TSPEAR: variants seen among roughly 807,000 people sequenced by gnomAD.
TSPEAR encodes thrombospondin-type laminin G domain and EAR repeat-containing protein.
TSPEAR carries 69 observed loss-of-function variants against 71.6 expected under a neutral mutation model. That is an observed-to-expected ratio of 0.96 (90% CI 0.79 to 1.18). The LOEUF (loss-of-function observed/expected upper bound fraction) is 1.18, where lower values mean the gene tolerates loss of function less well. TSPEAR is among the 50% of genes most tolerant of loss of function. The pLI is 0.00. For missense variants in TSPEAR, 971 were observed against 894.9 expected, an observed-to-expected ratio of 1.09 and a Z score of -1.09; for synonymous variants, 402 against 387.2, an observed-to-expected ratio of 1.04 and a Z score of -0.45.
At chr21:44,644,111 A>G (rs1306174848) in intron 1 of TSPEAR, among the ~76,000 whole-genome samples, 2 of 151,844 alleles carry the variant, frequency 1.3e-5, no homozygotes, top group African/African-American at 4.8e-5. Context: ...CATTCAACTC[A>G]CTCAGATCCC....
At chr21:44,654,162 C>T (rs1213745221) in intron 1 of TSPEAR, 1 of 812,500 alleles carries the variant, frequency 1.2e-6, no homozygotes, top group East Asian at 2.6e-5. Context: ...GGCAGGCGGT[C>T]TAGTCAGGTG....
At position 44,593,438 on chromosome 21, in the gene TSPEAR, A is replaced by G. The variant is rs587610782; in HGVS notation, c.83-25433T>C. Among the ~76,000 whole-genome samples the G allele has an allele frequency of 6.6e-6, 1 of 152,338 alleles. No individual in the cohort carries two copies. Among genetic ancestry groups the G allele is most frequent in the South Asian group, 2.1e-4 (1 of 4,828 alleles). On this transcript the variant is annotated intron_variant, in intron 1 of 11. Transcript: ENST00000323084. The surrounding 1 kb of genome is among the most constrained non-coding windows in gnomAD (Gnocchi z 5.9). ...CGCACAGAAGACACAAAATGGGTCC[A>G]TGAGAAGTTGATCTCACTGCAAACC...
At chr21:44,572,644 C>G (rs2053821586) in intron 1 of TSPEAR, among the ~76,000 whole-genome samples, 1 of 151,938 alleles carries the variant, frequency 6.6e-6, no homozygotes, top group East Asian at 1.9e-4. Flanking sequence ...ATCCCAGGTT[C>G]TGCCATTGTG....
intron 1 of TSPEAR, among the ~76,000 whole-genome samples, chr21:44,604,517 A>G (rs1054090006): frequency 1.3e-5 from 2 of 152,264 alleles, no homozygotes; most frequent in Middle Eastern, 3.4e-3. Flanking sequence ...AGATCTCTAT[A>G]TAAGATCACA....
At chr21:44,573,807 C>G in intron 1 of TSPEAR, 1 of 1,614,196 alleles carries the variant, frequency 6.2e-7, no homozygotes, top group Non-Finnish European at 8.5e-7. Flanking sequence ...CGTCTGCCTT[C>G]CTGGTTCCTG....
chr21:44,666,103 G>T (rs1255243456), intron 1 of TSPEAR: 13 of 249,710 alleles, frequency 5.2e-5, no homozygotes, highest in African/African-American at 2.7e-4. Context: ...GATCACTGAA[G>T]AGGGTTTAGC....
At chr21:44,637,498 C>G in intron 1 of TSPEAR, 9 of 1,613,416 alleles carry the variant, frequency 5.6e-6, no homozygotes, top group Non-Finnish European at 7.6e-6. Flanking sequence ...AGAGCTGCTG[C>G]GAGCCCTGCT....
chr21:44,577,327 A>G (rs1978526690), intron 1 of TSPEAR, among the ~76,000 whole-genome samples: 1 of 152,208 alleles, frequency 6.6e-6, no homozygotes, highest in Non-Finnish European at 1.5e-5. Context: ...GTAAAGGAAT[A>G]CCCGAGACTG....
intron 2 of TSPEAR, among the ~76,000 whole-genome samples, chr21:44,549,203 C>T: frequency 6.6e-6 from 1 of 152,106 alleles, no homozygotes; most frequent in East Asian, 1.9e-4. Flanking sequence ...TCAGTCTTTT[C>T]TCAAATAAGG....
At chr21:44,678,339 T>C (rs1555947376) in intron 1 of TSPEAR, among the ~76,000 whole-genome samples, 1 of 152,154 alleles carries the variant, frequency 6.6e-6, no homozygotes, top group African/African-American at 2.4e-5. Context: ...ATTGTCATGA[T>C]AATCAGTTCT....
chr21:44,504,076 A>C (rs1555911540), intron 11 of TSPEAR, among the ~76,000 whole-genome samples: 1 of 123,114 alleles, frequency 8.1e-6, no homozygotes, highest in African/African-American at 3.3e-5. Context: ...CCTTGGGGGG[A>C]AGCTGGCCTT....
chr21:44,524,532 TAGTC>T (rs1458734948), intron 8 of TSPEAR, among the ~76,000 whole-genome samples: 2 of 147,540 alleles, frequency 1.4e-5, no homozygotes, highest in South Asian at 4.4e-4. Flanking sequence ...GTCAGACAAG[TAGTC>T]AGTAAGGTAA....
chr21:44,556,070 A>G (rs1304425138), intron 2 of TSPEAR, among the ~76,000 whole-genome samples: 2 of 152,236 alleles, frequency 1.3e-5, no homozygotes, highest in Non-Finnish European at 2.9e-5. Flanking sequence ...GAAAATTTCC[A>G]GTTATTCTTA....
chr21:44,647,609 A>G (rs1555940505), intron 1 of TSPEAR: 2 of 564,236 alleles, frequency 3.5e-6, no homozygotes, highest in African/African-American at 3.8e-5. Flanking sequence ...CCAATGTGAC[A>G]AAGAAGAACT....
intron 1 of TSPEAR, chr21:44,676,069 T>A: frequency 1.1e-6 from 1 of 870,658 alleles, no homozygotes; most frequent in Non-Finnish European, 2.0e-6. Flanking sequence ...AGGAGGCATA[T>A]GACAGTAATT....
rs966817794 is a variant in TSPEAR at position 44,711,304 on chromosome 21, C to A, written c.82+129G>T. 1.2e-6 allele frequency: 1 copy of A among 809,374 alleles called. No homozygotes were observed. Among genetic ancestry groups the A allele is most frequent in the Non-Finnish European group, 2.0e-6 (1 of 501,468 alleles). The allele number at this position is 809,374 out of a possible 1,614,324, so 50.1% of individuals were successfully genotyped here. On this transcript the variant is annotated intron_variant, in intron 1 of 11. Transcript: ENST00000323084. This position sits in a 1 kb window ranked among gnomAD's most constrained non-coding sequence, Gnocchi z 4.5. ...GCCCATCTCCACAGGGTGCTACCTGCCAGTCCTGCCAAAGCGTCCTCGGGC... is the reference window on the plus strand; with the variant it reads ...GCCCATCTCCACAGGGTGCTACCTGACAGTCCTGCCAAAGCGTCCTCGGGC...
At chr21:44,597,001 G>C (rs587647887) in intron 1 of TSPEAR, among the ~76,000 whole-genome samples, 1 of 151,770 alleles carries the variant, frequency 6.6e-6, no homozygotes. Context: ...TAGTTTTATC[G>C]GTTTTTTAAA....
intron 1 of TSPEAR, chr21:44,676,395 G>C: frequency 8.9e-7 from 1 of 1,127,810 alleles, no homozygotes; most frequent in Non-Finnish European, 1.3e-6. Flanking sequence ...CTGCAGATGA[G>C]GTCTTCATGC....
chr21:44,708,259 G>C (rs1988044202), intron 1 of TSPEAR, among the ~76,000 whole-genome samples: 1 of 152,044 alleles, frequency 6.6e-6, no homozygotes, highest in Non-Finnish European at 1.5e-5. Flanking sequence ...GGACTGGGCT[G>C]CGGGGTCAGG....
Sources: allele counts gnomAD v4.1 joint callset (sites outside exome capture counted in the v4.1 genomes callset), GRCh38; gene constraint gnomAD v4.1.1; non-coding constraint Gnocchi (gnomAD v3.1); transcripts MANE v1.5; gene names NCBI Gene and HGNC (gene_info 2026-07-23, HGNC 2026-07-21).